Variants in CBFA2T2 observed in about 807,000 individuals in gnomAD.
CBFA2T2 encodes protein CBFA2T2.
Under a neutral mutation model 62.2 loss-of-function variants are expected in CBFA2T2, and 11 were observed. That is an observed-to-expected ratio of 0.18 (90% CI 0.11 to 0.29). The LOEUF (loss-of-function observed/expected upper bound fraction) is 0.29, where lower values mean the gene tolerates loss of function less well. CBFA2T2 is among the 10% of genes least tolerant of loss of function. CBFA2T2 has a pLI of 1.00. For missense variants in CBFA2T2, 592 were observed against 774.1 expected (o/e 0.76, Z 2.79); for synonymous variants, 295 against 287.5 (o/e 1.03, Z -0.27).
chr20:33,623,929 T>C, intron 5 of CBFA2T2: 1 of 605,880 alleles, frequency 1.7e-6, no homozygotes, highest in Non-Finnish European at 3.0e-6. Flanking sequence ...TGCCTTTTCC[T>C]TGATGCTGTT....
intron 1 of CBFA2T2, chr20:33,562,809 GT>G: frequency 2.4e-6 from 1 of 410,222 alleles, no homozygotes; most frequent in Non-Finnish European, 3.3e-6. Flanking sequence ...TTTCTACTCA[GT>G]TTTATTTTAA....
At chr20:33,567,363 C>T (rs2013367043) in intron 1 of CBFA2T2, among the ~76,000 whole-genome samples, 1 of 152,140 alleles carries the variant, frequency 6.6e-6, no homozygotes, top group African/African-American at 2.4e-5. Context: ...AGTTGTCTCT[C>T]GTAGCTGGAG....
chr20:33,623,119 A>T lies in CBFA2T2; in HGVS notation c.515A>T (p.Asn172Ile). ...AAACTGCCTCTTCCTTTCAAGGCCA[A>T]CCTGCCCCTGCTGCAGCGGGAACTG... is the stretch of plus-strand genomic sequence containing the variant. ...RPFVIPFLKA[N>I]LPLLQRELLH... Residue 172 changes from asparagine (N) to isoleucine (I), a missense_variant, in exon 5 of 11, where the codon AAC becomes ATC. Asn to Ile is a moderately radical substitution (Grantham distance 149). Around this residue, in one of 3 missense-constraint regions of CBFA2T2, gnomAD observed 449 missense variants for 551.2 expected, o/e 0.81. Transcript: ENST00000342704. The T allele has an allele frequency of 6.2e-7, 1 of 1,614,200 alleles. No individual in the cohort carries two copies. The highest frequency in any genetic ancestry group is 8.5e-7 in the Non-Finnish European group (1 of 1,180,040).
chr20:33,528,752 C>T (rs555936002), intron 1 of CBFA2T2, among the ~76,000 whole-genome samples: 14 of 152,136 alleles, frequency 9.2e-5, no homozygotes, highest in Admixed American at 9.2e-4. Context: ...GTTGTCCAGG[C>T]TGGTCTTGAA....
intron 1 of CBFA2T2, among the ~76,000 whole-genome samples, chr20:33,565,141 G>A (rs1343683083): frequency 2.0e-5 from 3 of 151,978 alleles, no homozygotes; most frequent in Admixed American, 6.6e-5. Context: ...GGATGGTCTC[G>A]ATCTCCTGAC....
chr20:33,592,267 G>A (rs2014679884), intron 1 of CBFA2T2, among the ~76,000 whole-genome samples: 1 of 151,694 alleles, frequency 6.6e-6, no homozygotes, highest in African/African-American at 2.4e-5. Flanking sequence ...GGAGGCTGAG[G>A]CAGGAGAATT....
At chr20:33,529,257 C>T (rs1862705581) in intron 1 of CBFA2T2, among the ~76,000 whole-genome samples, 1 of 151,974 alleles carries the variant, frequency 6.6e-6, no homozygotes, top group Non-Finnish European at 1.5e-5. Context: ...GATCTCCTGA[C>T]CTCGTGATCC....
chr20:33,547,776 T>TA (rs1168764259), intron 1 of CBFA2T2, among the ~76,000 whole-genome samples: 1 of 151,634 alleles, frequency 6.6e-6, no homozygotes, highest in Non-Finnish European at 1.5e-5. Flanking sequence ...GTGTATATTA[T>TA]AAAAATCTGT....
intron 10 of CBFA2T2, among the ~76,000 whole-genome samples, chr20:33,643,753 C>CTATATATA (rs6147333): frequency 7.0e-5 from 4 of 56,962 alleles, no homozygotes; most frequent in Non-Finnish European, 1.0e-4. Context: ...CTCATCTCTA[C>CTATATATA]TATATATATA....
chr20:33,516,977 A>T (rs1300304338), intron 1 of CBFA2T2, among the ~76,000 whole-genome samples: 1 of 152,238 alleles, frequency 6.6e-6, no homozygotes, highest in African/African-American at 2.4e-5. Context: ...GTTAGTAGTG[A>T]GATGCCTTTA....
chr20:33,491,268 TC>T (rs1332950642), intron 1 of CBFA2T2, among the ~76,000 whole-genome samples: 2 of 152,188 alleles, frequency 1.3e-5, no homozygotes, highest in East Asian at 3.8e-4. Context: ...AAAATACCAT[TC>T]CAGGCCCTGG....
At chr20:33,590,537 C>T (rs2014573703) in intron 1 of CBFA2T2, among the ~76,000 whole-genome samples, 1 of 152,006 alleles carries the variant, frequency 6.6e-6, no homozygotes, top group African/African-American at 2.4e-5. Context: ...GTGGTAGGAC[C>T]CCAGAAGAAC....
chr20:33,506,543 G>T (rs1384973860), intron 1 of CBFA2T2, among the ~76,000 whole-genome samples: 1 of 152,178 alleles, frequency 6.6e-6, no homozygotes, highest in Admixed American at 6.6e-5. Flanking sequence ...GTAAGATTCG[G>T]TCCCGGTCCT....
At chr20:33,611,566 A>C (rs2015529961) in intron 3 of CBFA2T2, among the ~76,000 whole-genome samples, 2 of 151,892 alleles carry the variant, frequency 1.3e-5, no homozygotes, top group Admixed American at 1.3e-4. Flanking sequence ...CCCAGCCTGG[A>C]GTATGATGGT....
At chr20:33,643,801 ATATATATAT>A (rs2016944144) in intron 10 of CBFA2T2, among the ~76,000 whole-genome samples, 1 of 24,042 alleles carries the variant, frequency 4.2e-5, no homozygotes, top group Non-Finnish European at 7.0e-5. Flanking sequence ...ATATATATAT[ATATATATAT>A]ATATATAGTA....
intron 8 of CBFA2T2, among the ~76,000 whole-genome samples, chr20:33,635,754 T>C (rs1189551880): frequency 2.6e-5 from 4 of 152,066 alleles, no homozygotes. Flanking sequence ...GGTACATGCC[T>C]AAAGTCCTAG....
chr20:33,590,924 G>A (rs1260687976), intron 1 of CBFA2T2, among the ~76,000 whole-genome samples: 1 of 151,918 alleles, frequency 6.6e-6, no homozygotes, highest in Non-Finnish European at 1.5e-5. Flanking sequence ...CTTGTAATCC[G>A]AGCACTTTGG....
intron 1 of CBFA2T2, among the ~76,000 whole-genome samples, chr20:33,561,788 A>G (rs897170449): frequency 2.6e-5 from 4 of 152,108 alleles, no homozygotes; most frequent in East Asian, 1.9e-4. Flanking sequence ...CCCATCTTCC[A>G]TTTATAATCT....
At chr20:33,573,924 G>A (rs1338715963) in intron 1 of CBFA2T2, 2 of 346,628 alleles carry the variant, frequency 5.8e-6, no homozygotes, top group Non-Finnish European at 1.1e-5. Context: ...AGGACTAGAG[G>A]CATTTGCCAC....
Sources: allele counts gnomAD v4.1 joint callset (sites outside exome capture counted in the v4.1 genomes callset), GRCh38; gene constraint gnomAD v4.1.1; regional missense constraint gnomAD v4.1.1; transcripts MANE v1.5; gene names NCBI Gene and HGNC (gene_info 2026-07-23, HGNC 2026-07-21).